CAPRIN1: variants seen among roughly 807,000 people sequenced by gnomAD.
CAPRIN1 encodes the protein cell cycle associated protein 1.
In CAPRIN1, 29 loss-of-function variants were observed where a neutral mutation model predicts 100.9. That is an observed-to-expected ratio of 0.29 (90% CI 0.21 to 0.39). The LOEUF (loss-of-function observed/expected upper bound fraction) is 0.39, where lower values mean the gene tolerates loss of function less well. Ranked by LOEUF, CAPRIN1 falls within the 10% of genes least tolerant of loss-of-function variation. The pLI, the probability that CAPRIN1 is intolerant of heterozygous loss-of-function variation, is 1.00. For missense variants in CAPRIN1, 795 were observed against 876.7 expected, an observed-to-expected ratio of 0.91 and a Z score of 1.18; for synonymous variants, 338 against 307.5, an observed-to-expected ratio of 1.10 and a Z score of -1.04.
At chr11:34,055,222 A>G (rs912172218) in intron 2 of CAPRIN1, among the ~76,000 whole-genome samples, 7 of 151,416 alleles carry the variant, frequency 4.6e-5, no homozygotes, top group African/African-American at 1.7e-4. Flanking sequence ...GGAGTGCGGT[A>G]GGATGATCTT....
At chr11:34,068,012 A>T (rs1256930337) in intron 2 of CAPRIN1, among the ~76,000 whole-genome samples, 1 of 152,214 alleles carries the variant, frequency 6.6e-6, no homozygotes, top group African/African-American at 2.4e-5. Context: ...ATGCACAAAG[A>T]TTCTGCCTGT....
chr11:34,088,192 ATG>A, intron 11 of CAPRIN1, among the ~76,000 whole-genome samples: 1 of 152,190 alleles, frequency 6.6e-6, no homozygotes, highest in Non-Finnish European at 1.5e-5. Context: ...TTAAGTAGAG[ATG>A]GGGTTTCACC....
intron 2 of CAPRIN1, among the ~76,000 whole-genome samples, chr11:34,064,025 CCCAGAGTGCTGGGAT>C (rs1850635354): frequency 6.6e-6 from 1 of 152,170 alleles, no homozygotes; most frequent in Non-Finnish European, 1.5e-5. Flanking sequence ...GTCTCGGCCT[CCCAGAGTGCTGGGAT>C]TACAGGTGTG....
intron 7 of CAPRIN1, among the ~76,000 whole-genome samples, chr11:34,081,889 G>C (rs1410038623): frequency 1.3e-5 from 2 of 152,152 alleles, no homozygotes; most frequent in African/African-American, 4.8e-5. Context: ...TCAGCTTGCT[G>C]CAACCTCTGC....
intron 4 of CAPRIN1, among the ~76,000 whole-genome samples, chr11:34,072,553 T>C (rs1249544218): frequency 6.6e-6 from 1 of 152,186 alleles, no homozygotes; most frequent in Non-Finnish European, 1.5e-5. Context: ...GTTTATATAA[T>C]TGGTAATTAT....
chr11:34,089,921 C>T lies in CAPRIN1; in HGVS notation c.1294-258C>T, dbSNP rs1237112147. The T allele has an allele frequency of 2.9e-5, 7 of 238,430 alleles. No individual in the cohort carries two copies. The Admixed American group carries it at 3.1e-4, about 10-fold the overall frequency. The allele number at this position is 238,430 out of a possible 1,614,324, so 14.8% of individuals were successfully genotyped here. A position where few individuals can be genotyped will look rare whatever the true frequency, so the allele number is the denominator to read the frequency against. On this transcript the variant is annotated intron_variant, in intron 12 of 18. Coordinates refer to ENST00000341394, the MANE Select transcript of CAPRIN1 (RefSeq NM_005898.5). ...TAATTCTAAAATTTAGTGCAGATTTCTCCATCTTAGAAGTACTTGTGGAGG... is the reference window on the plus strand; with the variant it reads ...TAATTCTAAAATTTAGTGCAGATTTTTCCATCTTAGAAGTACTTGTGGAGG...
chr11:34,068,370 A>G (rs1850740368), intron 2 of CAPRIN1, among the ~76,000 whole-genome samples: 2 of 152,214 alleles, frequency 1.3e-5, no homozygotes, highest in South Asian at 4.1e-4. Context: ...ACTCAAGTAC[A>G]ATGGCAGGGG....
rs556542480 is a variant in CAPRIN1, at chr11:34,087,784, A to G, written c.1231+1371A>G. ...GGGAGTTGTGTGAAAGTCAGTATAC[A>G]TAGCACTGATAAAACCTGTAAGGCT... is the stretch of plus-strand genomic sequence containing the variant. On this transcript the variant is annotated intron_variant, in intron 11 of 18. Coordinates refer to ENST00000341394, the MANE Select transcript of CAPRIN1 (RefSeq NM_005898.5). 5.9e-5 allele frequency among the ~76,000 whole-genome samples: 9 copies of G among 152,362 alleles called. No homozygotes were observed. The East Asian group carries it at 1.7e-3, about 29-fold the overall frequency.
chr11:34,062,008 T>C (rs1565083721), intron 2 of CAPRIN1, among the ~76,000 whole-genome samples: 1 of 151,364 alleles, frequency 6.6e-6, no homozygotes, highest in Non-Finnish European at 1.5e-5. Flanking sequence ...ACCACCACTG[T>C]TTAATAGTCT....
intron 2 of CAPRIN1, 84 bp downstream of exon 2, chr11:34,052,720 T>G (rs761643365): frequency 8.9e-6 from 13 of 1,464,688 alleles, no homozygotes; most frequent in Non-Finnish European, 1.2e-5. Flanking sequence ...AGCCTTCGCT[T>G]CTTTTCGTCT....
chr11:34,061,200 CTTTTTT>C (rs770158492), intron 2 of CAPRIN1, among the ~76,000 whole-genome samples: 1,465 of 102,820 alleles, frequency 0.014, 19 homozygotes, highest in African/African-American at 0.053. Context: ...AGGTAACATC[CTTTTTT>C]TTTTTTTTTT....
intron 2 of CAPRIN1, among the ~76,000 whole-genome samples, chr11:34,070,019 AT>A (rs2134101673): frequency 6.6e-6 from 1 of 152,200 alleles, no homozygotes; most frequent in Admixed American, 6.5e-5. Context: ...TTGTTTCACA[AT>A]TTTATTATTG....
At chr11:34,080,241 A>G (rs1565091932) in intron 7 of CAPRIN1, among the ~76,000 whole-genome samples, 1 of 152,292 alleles carries the variant, frequency 6.6e-6, no homozygotes, top group East Asian at 1.9e-4. Context: ...ATGTTAAGAC[A>G]GATTATCAAG....
At chr11:34,072,252 A>G (rs561420524) in intron 4 of CAPRIN1, among the ~76,000 whole-genome samples, 2 of 151,778 alleles carry the variant, frequency 1.3e-5, no homozygotes, top group East Asian at 3.9e-4. Flanking sequence ...GCTGTGGTGC[A>G]TATGATTGTT....
Position 34,052,541 on chromosome 11 carries a change from C to T in CAPRIN1, c.121C>T (p.His41Tyr). 6.2e-6 allele frequency: 10 copies of T among 1,608,420 alleles called. No homozygotes were observed. Among genetic ancestry groups the T allele is most frequent in the Non-Finnish European group, 6.8e-6 (8 of 1,178,122 alleles). Residue 41 changes from histidine (H) to tyrosine (Y), a missense_variant, in exon 2 of 19, where the codon CAC becomes TAC. This residue lies in a region of CAPRIN1 where 109 missense variants were observed against 86.6 expected (regional missense o/e 1.26). Transcript: ENST00000341394. The part of the protein sequence containing the change: ...GAGAAAPASQ[H>Y]PATGTGAVQT... ...CGGGGCCGCCGCGCCGGCTTCTCAG[C>T]ACCCCGCAACCGGCACCGGCGCTGT...
chr11:34,064,144 A>T (rs759894774), intron 2 of CAPRIN1, among the ~76,000 whole-genome samples: 3 of 152,100 alleles, frequency 2.0e-5, no homozygotes, highest in Non-Finnish European at 4.4e-5. Flanking sequence ...TATTTGTTTC[A>T]TGAGTAGCTG....
chr11:34,078,490 G>A (rs998000976), intron 6 of CAPRIN1, among the ~76,000 whole-genome samples: 4 of 152,192 alleles, frequency 2.6e-5, no homozygotes, highest in South Asian at 2.1e-4. Flanking sequence ...AATATCTTTC[G>A]ATTGTCTACT....
chr11:34,054,750 C>T (rs1374165651), intron 2 of CAPRIN1, among the ~76,000 whole-genome samples: 1 of 152,112 alleles, frequency 6.6e-6, no homozygotes, highest in South Asian at 2.1e-4. Flanking sequence ...ATGCAGTAAG[C>T]AAGCCTGCTG....
chr11:34,053,085 T>G (rs1195281399), intron 2 of CAPRIN1: 3 of 1,023,500 alleles, frequency 2.9e-6, no homozygotes, highest in African/African-American at 3.5e-5. Flanking sequence ...GCGGCCTGCG[T>G]CCTGCAGCCT....
Sources: allele counts gnomAD v4.1 joint callset (sites outside exome capture counted in the v4.1 genomes callset), GRCh38; gene constraint gnomAD v4.1.1; regional missense constraint gnomAD v4.1.1; transcripts MANE v1.5; gene names NCBI Gene and HGNC (gene_info 2026-07-23, HGNC 2026-07-21).